The following TBC1D9B variants were observed in gnomAD, a reference collection of about 807,000 sequenced individuals.
TBC1D9B encodes the protein TBC1 domain family member 9B.
In TBC1D9B, 87 loss-of-function variants were observed where a neutral mutation model predicts 121.1. The ratio of observed to expected loss-of-function variants is 0.72; its 90% CI spans 0.60 to 0.86. The LOEUF (loss-of-function observed/expected upper bound fraction) is 0.86, where lower values mean the gene tolerates loss of function less well. TBC1D9B is among the 40% of genes least tolerant of loss of function. The probability of loss-of-function intolerance (pLI) is 0.00; values close to 1 mark genes in which losing one functional copy is unlikely to be tolerated. For missense variants in TBC1D9B, 1,540 were observed against 1,628.6 expected (o/e 0.95, Z 0.94); for synonymous variants, 668 against 670.1 (o/e 1.00, Z 0.05).
In TBC1D9B at chr5:179,891,665, T is replaced by TC; in HGVS notation, c.837-80dup. ...ACACTCTCAAGGAAGCCTTGGGGCC[T>TC]CCCCAGGCCTGTTTCCACATCAGAT... On this transcript the variant is annotated intron_variant, in intron 5 of 20. Transcript: ENST00000355235. The surrounding 1 kb of genome is among the most constrained non-coding windows in gnomAD (Gnocchi z 4.3). The TC allele has an allele frequency of 6.8e-7, 1 of 1,479,432 alleles. No individual in the cohort carries two copies. Among genetic ancestry groups the TC allele is most frequent in the Non-Finnish European group, 9.3e-7 (1 of 1,079,428 alleles). The allele number at this position is 1,479,432 out of a possible 1,614,324, so 91.6% of individuals were successfully genotyped here.
chr5:179,872,855 CAGCCCAG>C, intron 14 of TBC1D9B, 30 bp downstream of exon 14: 22 of 1,510,394 alleles, frequency 1.5e-5, no homozygotes, highest in Admixed American at 1.7e-5. Flanking sequence ...GCTGCCCCCC[CAGCCCAG>C]CCCCTGCCCA....
chr5:179,893,530 C>T (rs1169833985), intron 4 of TBC1D9B, 63 bp from the exon 5 acceptor site: 1 of 1,542,370 alleles, frequency 6.5e-7, no homozygotes, highest in Non-Finnish European at 8.7e-7. Flanking sequence ...TCCTGATGCC[C>T]ATCTGTACCC....
intron 1 of TBC1D9B, among the ~76,000 whole-genome samples, chr5:179,905,860 A>G (rs1174517757): frequency 6.6e-6 from 1 of 152,132 alleles, no homozygotes; most frequent in Non-Finnish European, 1.5e-5. Flanking sequence ...CTGTTATTCA[A>G]CTTTAACACT....
intron 8 of TBC1D9B, 89 bp from the exon 9 acceptor site, chr5:179,879,286 C>T: frequency 6.6e-7 from 1 of 1,504,708 alleles, no homozygotes; most frequent in Non-Finnish European, 8.9e-7. Flanking sequence ...GTGAACACTC[C>T]AGACAGTGCT....
rs183560452 is a variant in TBC1D9B, at chr5:179,865,109, G to C, written c.3021+145C>G. ...TGTCTTTCTGGAATCATCGCTGACT[G>C]GCAACCAGGACTAACGGGCTCTAGA... On this transcript the variant is annotated intron_variant, in intron 20 of 20. Transcript: ENST00000355235. The surrounding 1 kb of genome is among the most constrained non-coding windows in gnomAD (Gnocchi z 5.1). 3.2e-4 allele frequency: 231 copies of C among 712,156 alleles called. 2 individuals carry two copies. The African/African-American group carries it at 3.7e-3, about 11-fold the overall frequency. 44.1% of individuals were successfully genotyped at this position (712,156 alleles called of 1,614,324 possible). A position where few individuals can be genotyped will look rare whatever the true frequency, so the allele number is the denominator to read the frequency against.
Position 179,863,683 on chromosome 5 carries a change from T to G in TBC1D9B, c.3467A>C (p.Asp1156Ala). 6.2e-7 allele frequency: 1 copy of G among 1,613,670 alleles called. No individual in the cohort carries two copies. Among genetic ancestry groups the G allele is most frequent in the Non-Finnish European group, 8.5e-7 (1 of 1,179,988 alleles). The stretch of plus-strand genomic sequence containing the variant: ...GGCCTCCCCGCCCACCAGCACCGTG[T>G]CGTCTGCAAGGTCTTCACATTGCAG... ...GSLQCEDLAD[D>A]TVLVGGEACS... The change falls in exon 21 of 21, where the codon GAC becomes GCC. Residue 1156 changes from aspartate to alanine, a missense_variant. Physicochemically the swap from Asp to Ala is moderately radical, Grantham distance 126. Coordinates refer to ENST00000355235, the MANE Select transcript of TBC1D9B (RefSeq NM_015043.4). This position sits in a 1 kb window ranked among gnomAD's most constrained non-coding sequence, Gnocchi z 4.5.
intron 12 of TBC1D9B, among the ~76,000 whole-genome samples, chr5:179,873,614 C>A (rs1262178893): frequency 6.6e-6 from 1 of 152,178 alleles, no homozygotes; most frequent in Non-Finnish European, 1.5e-5. Flanking sequence ...GACCTTCTCG[C>A]CCTGGCCAAG....
At chr5:179,878,207 G>A (rs1760417121) in intron 10 of TBC1D9B, 102 bp downstream of exon 10, 1 of 1,248,088 alleles carries the variant, frequency 8.0e-7, no homozygotes, top group Non-Finnish European at 1.1e-6. Context: ...CCTTCCTTGG[G>A]ACACAAGGCA....
chr5:179,875,042 C>T lies in TBC1D9B; in HGVS notation c.2046G>A (p.Glu682=). 1.9e-6 allele frequency: 3 copies of T among 1,614,094 alleles called. No homozygotes were observed. Among genetic ancestry groups the T allele is most frequent in the Non-Finnish European group, 2.5e-6 (3 of 1,180,044 alleles). ...AGCAGTCGACGATGACCACGGCGCT[C>T]TCGAAGGGCATGACGCTGAGGAAGA... The part of the protein sequence containing the change: ...LTLFLSVMPF[E]SAVVIVDCFF... The change falls in exon 12 of 21, where the codon GAG becomes GAA. Residue 682 remains glutamate (E), a synonymous_variant. Coordinates refer to ENST00000355235, the MANE Select transcript of TBC1D9B (RefSeq NM_015043.4). This position sits in a 1 kb window ranked among gnomAD's most constrained non-coding sequence, Gnocchi z 4.5.
chr5:179,892,905 C>G (rs1760904845), intron 5 of TBC1D9B, among the ~76,000 whole-genome samples: 1 of 152,234 alleles, frequency 6.6e-6, no homozygotes, highest in Admixed American at 6.5e-5. Flanking sequence ...CTCTGTGCCT[C>G]AGCTTCCTTG....
intron 6 of TBC1D9B, among the ~76,000 whole-genome samples, chr5:179,889,936 GCA>G: frequency 6.7e-6 from 1 of 149,444 alleles, no homozygotes; most frequent in South Asian, 2.1e-4. Flanking sequence ...AGTGGCTAAA[GCA>G]GATGATGGTG....
chr5:179,867,154 T>C (rs1760036327), intron 18 of TBC1D9B: 1 of 339,908 alleles, frequency 2.9e-6, no homozygotes, highest in Non-Finnish European at 5.5e-6. Context: ...ATGACAGCAT[T>C]TTGTATTTGT....
At chr5:179,903,529 G>A (rs918581955) in intron 2 of TBC1D9B, among the ~76,000 whole-genome samples, 2 of 152,186 alleles carry the variant, frequency 1.3e-5, no homozygotes, top group South Asian at 2.1e-4. Flanking sequence ...CCAGTACCCC[G>A]GGGGAACACA....
chr5:179,881,942 T>C (rs929443968), intron 7 of TBC1D9B, among the ~76,000 whole-genome samples: 1 of 149,066 alleles, frequency 6.7e-6, no homozygotes, highest in Non-Finnish European at 1.5e-5. Flanking sequence ...TCCATATACC[T>C]TCCGTTTTTT....
Position 179,863,495 on chromosome 5 carries a change from G to A in TBC1D9B, c.3655C>T (p.Gln1219Ter), listed in dbSNP as rs758097931. 1.2e-6 allele frequency: 2 copies of A among 1,614,210 alleles called. No individual in the cohort carries two copies. The highest frequency in any genetic ancestry group is 1.7e-6 in the Non-Finnish European group (2 of 1,180,034). Residue 1219 changes from glutamine to a stop codon, truncating the protein, a stop_gained, in exon 21 of 21, where the codon CAG becomes TAG. Transcript: ENST00000355235. LOFTEE classifies it high-confidence loss of function. The surrounding 1 kb of genome is among the most constrained non-coding windows in gnomAD (Gnocchi z 4.5). ...TCATGGTCACTGGCGGTGCTGAACT[G>A]TCTCTCCACTTTCTTTTGGTCCTTG... ...KIKDQKKVER[Q>*]FSTASDHEQP...
In TBC1D9B at chr5:179,887,781, C is replaced by T. The variant is rs149281452; in HGVS notation, c.1254+322G>A. The T allele has an allele frequency of 4.0e-5, 15 of 374,268 alleles. No individual in the cohort carries two copies. The East Asian group carries it at 4.5e-4, about 11-fold the overall frequency. The allele number at this position is 374,268 out of a possible 1,614,324, so 23.2% of individuals were successfully genotyped here. ...GCAGGGAAGGTCATGGGAACAAAGC[C>T]GAAGTGTACAGGCCTCCACAGTGTG... is the stretch of plus-strand genomic sequence containing the variant. On this transcript the variant is annotated intron_variant, in intron 7 of 20. Coordinates refer to ENST00000355235, the MANE Select transcript of TBC1D9B (RefSeq NM_015043.4).
In TBC1D9B at chr5:179,874,115, T is replaced by C. The variant is rs1243987696; in HGVS notation, c.2186+787A>G. Among the ~76,000 whole-genome samples the C allele has an allele frequency of 6.6e-6, 1 of 151,900 alleles. No homozygotes were observed. The highest frequency in any genetic ancestry group is 1.5e-5 in the Non-Finnish European group (1 of 67,958). The stretch of plus-strand genomic sequence containing the variant: ...CATTCCAGTCCGGACAAATACGCTA[T>C]GTAGGAGGGTGGGACTGCACAGAGC... On this transcript the variant is annotated intron_variant, in intron 12 of 20. Coordinates refer to ENST00000355235, the MANE Select transcript of TBC1D9B (RefSeq NM_015043.4). This position sits in a 1 kb window ranked among gnomAD's most constrained non-coding sequence, Gnocchi z 4.3.
At chr5:179,901,115 C>A (rs1761154143) in intron 2 of TBC1D9B, among the ~76,000 whole-genome samples, 1 of 152,204 alleles carries the variant, frequency 6.6e-6, no homozygotes, top group South Asian at 2.1e-4. Context: ...TCCCGATTGG[C>A]CTGGGGGAGG....
At position 179,863,326 on chromosome 5, in the gene TBC1D9B, C is replaced by G; in HGVS notation, c.*122G>C. The G allele has an allele frequency of 8.5e-7, 1 of 1,178,510 alleles. No homozygotes were observed. Among genetic ancestry groups the G allele is most frequent in the Non-Finnish European group, 1.2e-6 (1 of 846,988 alleles). The allele number at this position is 1,178,510 out of a possible 1,614,324, so 73.0% of individuals were successfully genotyped here. ...CAGCCTTCTTTCCACTCACAACTCA[C>G]TGCTCCTGGGAGAGCAGGAGGGGCA... On this transcript the variant is annotated 3_prime_UTR_variant, in exon 21 of 21. Transcript: ENST00000355235. The surrounding 1 kb of genome is among the most constrained non-coding windows in gnomAD (Gnocchi z 4.5).
Sources: gnomAD v4.1 joint callset for allele counts (sites outside exome capture counted in the v4.1 genomes callset) on GRCh38, gnomAD v4.1.1 for gene constraint, Gnocchi (gnomAD v3.1) non-coding constraint, MANE v1.5 for transcripts, NCBI Gene and HGNC (gene_info 2026-07-23, HGNC 2026-07-21) for gene names.